Variants in NEO1 observed in about 807,000 individuals in gnomAD.
NEO1 encodes neogenin 1, also known as neogenin.
In NEO1, 63 loss-of-function variants were observed where a neutral mutation model predicts 159.7. The ratio of observed to expected loss-of-function variants is 0.39; its 90% CI spans 0.32 to 0.49. The LOEUF is 0.49. Ranked by LOEUF, NEO1 falls within the 20% of genes least tolerant of loss-of-function variation. The probability of loss-of-function intolerance (pLI) is 0.85; values close to 1 mark genes in which losing one functional copy is unlikely to be tolerated. For missense variants in NEO1, 1,615 were observed against 1,831.0 expected (o/e 0.88, Z 2.15); for synonymous variants, 633 against 662.0 (o/e 0.96, Z 0.67).
chr15:73,058,688 C>T (rs1178318415), intron 1 of NEO1, among the ~76,000 whole-genome samples: 2 of 152,048 alleles, frequency 1.3e-5, no homozygotes, highest in Non-Finnish European at 2.9e-5. Context: ...AAGGTTTTAC[C>T]ACTTTTAATT....
At chr15:73,059,696 A>G (rs62016797) in intron 1 of NEO1, among the ~76,000 whole-genome samples, 46,438 of 152,098 alleles carry the variant, frequency 0.31, 8,677 homozygotes, top group Admixed American at 0.44. Flanking sequence ...TGATCAAGGA[A>G]TAGTGCTGCT....
chr15:73,164,617 T>C (rs1396960630), intron 5 of NEO1, among the ~76,000 whole-genome samples: 1 of 152,230 alleles, frequency 6.6e-6, no homozygotes, highest in East Asian at 1.9e-4. Context: ...GTACAGCCTT[T>C]GGTAATATTT....
intron 3 of NEO1, among the ~76,000 whole-genome samples, chr15:73,123,142 G>C (rs571208397): frequency 6.7e-6 from 1 of 149,202 alleles, no homozygotes; most frequent in East Asian, 2.0e-4. Context: ...GGGCGATAGA[G>C]CAAGACTCCA....
At chr15:73,077,197 C>T (rs1424921555) in intron 1 of NEO1, among the ~76,000 whole-genome samples, 1 of 152,094 alleles carries the variant, frequency 6.6e-6, no homozygotes, top group Non-Finnish European at 1.5e-5. Context: ...GTGCCCGCCA[C>T]CACGCCTGGC....
intron 15 of NEO1, among the ~76,000 whole-genome samples, chr15:73,262,433 A>G (rs2040662174): frequency 1.3e-5 from 2 of 152,198 alleles, no homozygotes; most frequent in Non-Finnish European, 2.9e-5. Flanking sequence ...ACCCAATAAA[A>G]AGTGGGCAGG....
At chr15:73,283,233 A>G (rs994063479) in intron 23 of NEO1, 122 bp downstream of exon 23, 1 of 1,199,914 alleles carries the variant, frequency 8.3e-7, no homozygotes, top group Non-Finnish European at 1.2e-6. Flanking sequence ...GGAATTTAAG[A>G]TATTTTAAAA....
At chr15:73,224,498 T>G (rs977312393) in intron 7 of NEO1, among the ~76,000 whole-genome samples, 4 of 152,170 alleles carry the variant, frequency 2.6e-5, no homozygotes, top group Admixed American at 2.0e-4. Flanking sequence ...GAGGCTTTGT[T>G]CATATTTTCT....
At chr15:73,281,312 T>G (rs1227398774) in intron 22 of NEO1, among the ~76,000 whole-genome samples, 1 of 149,142 alleles carries the variant, frequency 6.7e-6, no homozygotes, top group Non-Finnish European at 1.5e-5. Context: ...CTGGAGTGCA[T>G]GGCGCGATCT....
intron 1 of NEO1, among the ~76,000 whole-genome samples, chr15:73,070,938 G>A (rs1158035667): frequency 6.6e-6 from 1 of 152,132 alleles, no homozygotes; most frequent in Non-Finnish European, 1.5e-5. Flanking sequence ...GGTTGCCTTA[G>A]CCATTGGCAG....
At position 73,113,923 on chromosome 15, in the gene NEO1, A is replaced by C. The variant is rs575852833; in HGVS notation, c.131-2617A>C. 2.0e-5 allele frequency among the ~76,000 whole-genome samples: 3 copies of C among 152,294 alleles called. No homozygotes were observed. In the South Asian group the frequency reaches 6.2e-4, roughly 32 times the overall value. ...GTTAAAAGAAATAGGATGGTTAGCT[A>C]TCTCTTTTGACCTATGGAATTCTTG... On this transcript the variant is annotated intron_variant, in intron 1 of 28. Transcript: ENST00000261908.
chr15:73,185,762 T>A lies in NEO1; in HGVS notation c.1291+7335T>A, dbSNP rs1307882452. 4.6e-5 allele frequency among the ~76,000 whole-genome samples: 7 copies of A among 152,144 alleles called. No individual in the cohort carries two copies. The East Asian group carries it at 1.2e-3, about 25-fold the overall frequency. ...TTGGTATCTGAATGGATAAACAAAG[T>A]GTGATACATCTATACAATGGAACGT... On this transcript the variant is annotated intron_variant, in intron 7 of 28. Coordinates refer to ENST00000261908, the MANE Select transcript of NEO1 (RefSeq NM_002499.4).
At chr15:73,121,299 T>C (rs2071629162) in intron 2 of NEO1, among the ~76,000 whole-genome samples, 1 of 152,320 alleles carries the variant, frequency 6.6e-6, no homozygotes, top group Non-Finnish European at 1.5e-5. Flanking sequence ...ACTCTTTAGA[T>C]ATAACTTGGT....
intron 1 of NEO1, among the ~76,000 whole-genome samples, chr15:73,078,498 A>G (rs1386721544): frequency 6.6e-6 from 1 of 152,192 alleles, no homozygotes; most frequent in Non-Finnish European, 1.5e-5. Context: ...CCCAGTCCAC[A>G]AAGGGCTCTG....
intron 7 of NEO1, among the ~76,000 whole-genome samples, chr15:73,196,739 G>C (rs1329283370): frequency 6.6e-6 from 1 of 152,214 alleles, no homozygotes; most frequent in Admixed American, 6.5e-5. Flanking sequence ...CTTCAGTTAA[G>C]CTGAGACTGC....
chr15:73,249,009 A>G (rs770271934), intron 9 of NEO1, 51 bp from the exon 10 acceptor site: 1 of 1,582,874 alleles, frequency 6.3e-7, no homozygotes. Context: ...ATGGTTATTG[A>G]GGAGTGTAGC....
intron 23 of NEO1, among the ~76,000 whole-genome samples, chr15:73,284,742 T>G (rs2041877429): frequency 6.6e-6 from 1 of 151,864 alleles, no homozygotes; most frequent in African/African-American, 2.4e-5. Flanking sequence ...CCCACCACCA[T>G]GCCTGGCTAA....
At chr15:73,262,642 C>T (rs1032616876) in intron 15 of NEO1, among the ~76,000 whole-genome samples, 2 of 152,184 alleles carry the variant, frequency 1.3e-5, no homozygotes, top group African/African-American at 2.4e-5. Flanking sequence ...AATGCTCATA[C>T]TAGCTGGTAG....
intron 5 of NEO1, among the ~76,000 whole-genome samples, chr15:73,175,810 G>A (rs1399162689): frequency 6.6e-6 from 1 of 152,106 alleles, no homozygotes; most frequent in African/African-American, 2.4e-5. Context: ...TTACAGCTGT[G>A]GGGCATGTGG....
chr15:73,164,277 G>C (rs924711753), intron 5 of NEO1, among the ~76,000 whole-genome samples: 1 of 142,984 alleles, frequency 7.0e-6, no homozygotes, highest in African/African-American at 2.6e-5. Context: ...TGGCACGATT[G>C]ATCTCAGCTC....
Sources: allele counts gnomAD v4.1 joint callset (sites outside exome capture counted in the v4.1 genomes callset), GRCh38; gene constraint gnomAD v4.1.1; transcripts MANE v1.5; gene names NCBI Gene and HGNC (gene_info 2026-07-23, HGNC 2026-07-21).